The following BBS9 variants were observed in gnomAD, a reference collection of about 807,000 sequenced individuals.
The protein encoded by BBS9 is Bardet-Biedl syndrome 9, also known as protein PTHB1.
BBS9 carries 89 observed loss-of-function variants against 117.7 expected under a neutral mutation model. The observed-to-expected ratio is 0.76, with a 90% confidence interval of 0.64 to 0.90. The LOEUF (loss-of-function observed/expected upper bound fraction) is 0.90. Among genes scored for constraint, BBS9 ranks in the 40% least tolerant of loss-of-function variants. The pLI is 0.00. For missense variants in BBS9, 982 were observed against 1,042.2 expected (o/e 0.94, Z 0.80); for synonymous variants, 379 against 370.9 (o/e 1.02, Z -0.25).
At chr7:33,226,587 C>T (rs577611414) in intron 5 of BBS9, among the ~76,000 whole-genome samples, 1 of 152,274 alleles carries the variant, frequency 6.6e-6, no homozygotes, top group East Asian at 1.9e-4. Flanking sequence ...GATATTTATA[C>T]ATCCTTGTTC....
At chr7:33,337,330 T>G (rs1815590069) in intron 10 of BBS9, among the ~76,000 whole-genome samples, 2 of 152,082 alleles carry the variant, frequency 1.3e-5, no homozygotes, top group Non-Finnish European at 2.9e-5. Context: ...GGTAAAAGTA[T>G]TTTTTTAATG....
rs145019334 is a variant in BBS9 at position 33,277,125 on chromosome 7, G to C, written c.1016+3169G>C. The C allele has an allele frequency of 3.6e-3, 695 of 192,298 alleles. 6 individuals carry two copies. The highest frequency in any genetic ancestry group is 0.015 in the African/African-American group (655 of 42,886). 11.9% of individuals were successfully genotyped at this position (192,298 alleles called of 1,614,324 possible). On this transcript the variant is annotated intron_variant, in intron 9 of 22. Coordinates refer to ENST00000242067, the MANE Select transcript of BBS9 (RefSeq NM_198428.3). ...GACTGTGGCTCTGGGATTAGTGTCT[G>C]TAAACCACAAAGACAGCGAATGTCT...
intron 19 of BBS9, among the ~76,000 whole-genome samples, chr7:33,406,799 G>A (rs1182712728): frequency 6.6e-6 from 1 of 152,174 alleles, no homozygotes; most frequent in Non-Finnish European, 1.5e-5. Flanking sequence ...TCCGCCAAGA[G>A]ATCCGCTGTT....
intron 2 of BBS9, among the ~76,000 whole-genome samples, chr7:33,149,817 T>C (rs548793193): frequency 2.0e-5 from 3 of 152,224 alleles, no homozygotes; most frequent in Admixed American, 6.5e-5. Flanking sequence ...GTCGTACATA[T>C]ACATTTTGTT....
intron 17 of BBS9, among the ~76,000 whole-genome samples, chr7:33,377,962 G>A (rs1268169287): frequency 6.6e-6 from 1 of 152,076 alleles, no homozygotes; most frequent in Non-Finnish European, 1.5e-5. Context: ...CCCTAAAATA[G>A]TACTGTAGTA....
At chr7:33,433,695 T>A (rs1255388563) in intron 19 of BBS9, among the ~76,000 whole-genome samples, 4 of 152,180 alleles carry the variant, frequency 2.6e-5, no homozygotes, top group Non-Finnish European at 5.9e-5. Flanking sequence ...GAGACTTCTT[T>A]GTAGAGTAGA....
chr7:33,544,274 A>G (rs961697358), intron 21 of BBS9, among the ~76,000 whole-genome samples: 2 of 152,102 alleles, frequency 1.3e-5, no homozygotes, highest in Non-Finnish European at 2.9e-5. Context: ...GCCTTGTTTC[A>G]TCATATTACC....
intron 5 of BBS9, among the ~76,000 whole-genome samples, chr7:33,228,936 G>A (rs1791811959): frequency 6.6e-6 from 1 of 152,062 alleles, no homozygotes; most frequent in African/African-American, 2.4e-5. Flanking sequence ...AGGGTCAGCT[G>A]TATTTTTATA....
chr7:33,493,946 A>T (rs865953901), intron 19 of BBS9, among the ~76,000 whole-genome samples: 6 of 152,228 alleles, frequency 3.9e-5, no homozygotes, highest in African/African-American at 1.4e-4. Context: ...TCTGATCATC[A>T]AACTTCATTA....
At chr7:33,529,744 C>T (rs1490740603) in intron 20 of BBS9, among the ~76,000 whole-genome samples, 2 of 152,228 alleles carry the variant, frequency 1.3e-5, no homozygotes, top group Admixed American at 6.5e-5. Context: ...AATCATTTCT[C>T]ACTGAAGAGC....
intron 5 of BBS9, among the ~76,000 whole-genome samples, chr7:33,224,633 C>G (rs964546661): frequency 5.9e-5 from 9 of 152,276 alleles, no homozygotes; most frequent in Middle Eastern, 3.4e-3. Flanking sequence ...CCCTAACTTA[C>G]TTGTCGAATA....
chr7:33,432,234 G>T lies in BBS9; in HGVS notation c.2115+44090G>T, dbSNP rs952492005. 3.3e-5 allele frequency among the ~76,000 whole-genome samples: 5 copies of T among 150,586 alleles called. 1 individual carries two copies. The highest frequency in any genetic ancestry group is 1.2e-4 in the African/African-American group (5 of 40,928). On this transcript the variant is annotated intron_variant, in intron 19 of 22. Transcript: ENST00000242067. The stretch of plus-strand genomic sequence containing the variant: ...CGCCGTTCTCTTGCCTCAGCCTCCC[G>T]AGTAGCTGGGACTACAGGTGCCCGC...
intron 9 of BBS9, among the ~76,000 whole-genome samples, chr7:33,292,898 C>T (rs1489793638): frequency 6.6e-6 from 1 of 151,020 alleles, no homozygotes; most frequent in East Asian, 2.0e-4. Context: ...CCCAGGTGCT[C>T]GGGAGTCTGA....
intron 9 of BBS9, among the ~76,000 whole-genome samples, chr7:33,282,338 A>T (rs1002105223): frequency 2.0e-5 from 3 of 152,176 alleles, no homozygotes; most frequent in African/African-American, 7.2e-5. Flanking sequence ...ATTTAGGCAT[A>T]GAATAAAATT....
At chr7:33,335,690 G>C (rs1815205961) in intron 9 of BBS9, among the ~76,000 whole-genome samples, 1 of 152,116 alleles carries the variant, frequency 6.6e-6, no homozygotes, top group Non-Finnish European at 1.5e-5. Flanking sequence ...AAGAGAGAAG[G>C]AAGAGTGAAA....
chr7:33,549,104 G>A (rs1412217916), intron 21 of BBS9, among the ~76,000 whole-genome samples: 2 of 148,688 alleles, frequency 1.3e-5, no homozygotes, highest in African/African-American at 2.6e-5. Context: ...ACAGAACAGA[G>A]CCCTCAGAAA....
At chr7:33,366,479 A>G (rs937131089) in intron 16 of BBS9, among the ~76,000 whole-genome samples, 10 of 135,868 alleles carry the variant, frequency 7.4e-5, no homozygotes, top group Admixed American at 5.8e-4. Context: ...CTACTTTACC[A>G]TCTTGGTGAC....
intron 4 of BBS9, among the ~76,000 whole-genome samples, chr7:33,161,614 A>G (rs140828853): frequency 6.6e-6 from 1 of 152,348 alleles, no homozygotes; most frequent in East Asian, 1.9e-4. Flanking sequence ...AGCATGATTT[A>G]TAATCCTTTG....
intron 6 of BBS9, among the ~76,000 whole-genome samples, chr7:33,259,606 C>T (rs1015976893): frequency 1.3e-5 from 2 of 151,828 alleles, no homozygotes; most frequent in Non-Finnish European, 2.9e-5. Context: ...AGCTCTTGGG[C>T]TTAAGTGAAC....
Sources: gnomAD v4.1 joint callset for allele counts (sites outside exome capture counted in the v4.1 genomes callset) on GRCh38, gnomAD v4.1.1 for gene constraint, MANE v1.5 for transcripts, NCBI Gene and HGNC (gene_info 2026-07-23, HGNC 2026-07-21) for gene names.